PCDHGB2: variants seen among roughly 807,000 people sequenced by gnomAD.
PCDHGB2 encodes protocadherin gamma subfamily B, 2.
In PCDHGB2, 55 loss-of-function variants were observed where a neutral mutation model predicts 59.3. The ratio of observed to expected loss-of-function variants is 0.93; its 90% CI spans 0.75 to 1.16. PCDHGB2 has a LOEUF of 1.16. Among genes scored for constraint, PCDHGB2 ranks in the 50% most tolerant of loss-of-function variants. The probability of loss-of-function intolerance (pLI) is 0.00; values close to 1 mark genes in which losing one functional copy is unlikely to be tolerated. For missense variants in PCDHGB2, 1,228 were observed against 1,198.5 expected (o/e 1.02, Z -0.36); for synonymous variants, 516 against 512.0 (o/e 1.01, Z -0.11).
chr5:141,432,873 T>A lies in PCDHGB2; in HGVS notation c.2422-61934T>A, dbSNP rs753576338. ...GTGGCCGCGGTCTCCTGCGTCTTCCTGGCCTTCGTCATCTTGCTGCTGGCG... is the reference window on the plus strand; with the variant it reads ...GTGGCCGCGGTCTCCTGCGTCTTCCAGGCCTTCGTCATCTTGCTGCTGGCG... On this transcript the variant is annotated intron_variant, in intron 1 of 3. Transcript: ENST00000522605. This position sits in a 1 kb window ranked among gnomAD's most constrained non-coding sequence, Gnocchi z 6.0. 1.4e-5 allele frequency: 22 copies of A among 1,614,204 alleles called. No individual in the cohort carries two copies. The highest frequency in any genetic ancestry group is 3.3e-4 in the Middle Eastern group (2 of 6,062).
At chr5:141,435,510 T>C (rs72790047) in intron 1 of PCDHGB2, among the ~76,000 whole-genome samples, 9,714 of 152,280 alleles carry the variant, frequency 0.064, 363 homozygotes, top group African/African-American at 0.099. Context: ...ATGATACTAA[T>C]GATGACTTTG....
At chr5:141,413,827 G>A (rs2154544774) in intron 1 of PCDHGB2, 1 of 1,613,200 alleles carries the variant, frequency 6.2e-7, no homozygotes. Context: ...GGTCCTCACC[G>A]CCTCCGACGG....
chr5:141,361,395 C>T lies in PCDHGB2; in HGVS notation c.1260C>T (p.Leu420=). The T allele has an allele frequency of 1.2e-6, 2 of 1,614,022 alleles. No individual in the cohort carries two copies. The highest frequency in any genetic ancestry group is 1.7e-6 in the Non-Finnish European group (2 of 1,179,902). The change falls in exon 1 of 4, where the codon CTC becomes CTT. Residue 420 remains leucine, a synonymous_variant. Coordinates refer to ENST00000522605, the MANE Select transcript of PCDHGB2 (RefSeq NM_018923.3). ...LDREEIPEYN[L]TITATDGGKP... is the part of the protein sequence containing the mutation. ...GGGAGGAGATCCCAGAATACAATCT[C>T]ACCATCACAGCCACCGACGGGGGCA...
intron 1 of PCDHGB2, chr5:141,403,288 CAG>C: frequency 6.2e-7 from 1 of 1,613,878 alleles, no homozygotes; most frequent in Admixed American, 1.7e-5. Context: ...TGGTTGAAGA[CAG>C]AGTGAAACTG....
chr5:141,427,960 G>A, intron 1 of PCDHGB2: 2 of 1,589,168 alleles, frequency 1.3e-6, no homozygotes, highest in East Asian at 2.2e-5. Context: ...AATGTGCCGC[G>A]GGTGCTGTAC....
rs1001516677 is a variant in PCDHGB2 at position 141,399,747 on chromosome 5, A to G, written c.2421+37191A>G. On this transcript the variant is annotated intron_variant, in intron 1 of 3. Coordinates refer to ENST00000522605, the MANE Select transcript of PCDHGB2 (RefSeq NM_018923.3). The stretch of plus-strand genomic sequence containing the variant: ...ACCAGGGCTCGCCTGCGCTCAGCGC[A>G]AACGTGAGCCTGCGCGTGTTGGTGG... 3.7e-6 allele frequency: 6 copies of G among 1,613,228 alleles called. No homozygotes were observed. In the African/African-American group the frequency reaches 6.7e-5, roughly 18 times the overall value.
At chr5:141,385,323 G>C (rs1781122610) in intron 1 of PCDHGB2, 1 of 1,607,092 alleles carries the variant, frequency 6.2e-7, no homozygotes, top group Non-Finnish European at 8.5e-7. Flanking sequence ...CAAGTATTCA[G>C]GTGAGCCCAG....
At chr5:141,371,576 C>T in intron 1 of PCDHGB2, 2 of 1,613,882 alleles carry the variant, frequency 1.2e-6, no homozygotes, top group Non-Finnish European at 1.7e-6. Flanking sequence ...CCTTTAAAAT[C>T]GTTCAAGATA....
chr5:141,392,488 T>G, intron 1 of PCDHGB2: 1 of 203,312 alleles, frequency 4.9e-6, no homozygotes, highest in Non-Finnish European at 9.8e-6. Flanking sequence ...AACAAAGTAA[T>G]AAGCAAATGA....
At chr5:141,466,574 T>C (rs978880367) in intron 1 of PCDHGB2, among the ~76,000 whole-genome samples, 5 of 152,218 alleles carry the variant, frequency 3.3e-5, no homozygotes, top group Non-Finnish European at 5.9e-5. Flanking sequence ...CAACATTGTC[T>C]CATCCCTTCT....
rs985430498 is a variant in PCDHGB2 at position 141,387,945 on chromosome 5, C to T, written c.2421+25389C>T. The T allele has an allele frequency of 4.0e-6, 6 of 1,484,034 alleles. No homozygotes were observed. The African/African-American group carries it at 8.5e-5, about 21-fold the overall frequency. The allele number at this position is 1,484,034 out of a possible 1,614,324, so 91.9% of individuals were successfully genotyped here. A position where few individuals can be genotyped will look rare whatever the true frequency, so the allele number is the denominator to read the frequency against. On this transcript the variant is annotated intron_variant, in intron 1 of 3. Coordinates refer to ENST00000522605, the MANE Select transcript of PCDHGB2 (RefSeq NM_018923.3). ...GAGGCTGCCAGTGCTCTTTCTCTTC[C>T]TGCTGTCTTTGTTCTGCCCGGCGCT...
In PCDHGB2 at chr5:141,431,028, T is replaced by C. The variant is rs367575636; in HGVS notation, c.2422-63779T>C. On this transcript the variant is annotated intron_variant, in intron 1 of 3. Transcript: ENST00000522605. This position sits in a 1 kb window ranked among gnomAD's most constrained non-coding sequence, Gnocchi z 4.8. ...GGCAGCTTGGTCACGGCGGGCAGGA[T>C]AGACCGGGAGGAGCTCTGTATGGGG... The C allele has an allele frequency of 6.2e-7, 1 of 1,613,986 alleles. No homozygotes were observed. Among genetic ancestry groups the C allele is most frequent in the Admixed American group, 1.7e-5 (1 of 60,022 alleles).
chr5:141,459,295 A>C (rs571675117), intron 1 of PCDHGB2, among the ~76,000 whole-genome samples: 2 of 152,368 alleles, frequency 1.3e-5, no homozygotes, highest in South Asian at 4.1e-4. Context: ...ATGGAATCCT[A>C]TAACATATAC....
chr5:141,400,005 T>A, intron 1 of PCDHGB2: 1 of 1,612,520 alleles, frequency 6.2e-7, no homozygotes, highest in Non-Finnish European at 8.5e-7. Context: ...GCACAGCGCG[T>A]GCCTTGGGCG....
chr5:141,372,646 C>T, intron 1 of PCDHGB2: 1 of 1,614,008 alleles, frequency 6.2e-7, no homozygotes, highest in Middle Eastern at 1.6e-4. Context: ...TTGCCTTATT[C>T]CTACAATCCG....
chr5:141,481,694 C>A (rs2099542163), intron 1 of PCDHGB2, among the ~76,000 whole-genome samples: 1 of 152,130 alleles, frequency 6.6e-6, no homozygotes, highest in South Asian at 2.1e-4. Flanking sequence ...TGGCTCACGC[C>A]TGTAATCCCA....
At chr5:141,365,177 A>G in intron 1 of PCDHGB2, 3 of 1,613,884 alleles carry the variant, frequency 1.9e-6, no homozygotes, top group Non-Finnish European at 2.5e-6. Context: ...CTCTTTTCGC[A>G]ATGAAGAAGA....
intron 1 of PCDHGB2, chr5:141,404,186 C>T (rs767632448): frequency 3.1e-6 from 5 of 1,613,084 alleles, no homozygotes; most frequent in Non-Finnish European, 4.2e-6. Flanking sequence ...AATTCTTGAC[C>T]GAGAAAAAGC....
intron 1 of PCDHGB2, chr5:141,427,980 G>A (rs1398178738): frequency 6.3e-7 from 1 of 1,596,206 alleles, no homozygotes. Context: ...CCCCGCGCTG[G>A]GGCCCGATGG....
Sources: allele counts gnomAD v4.1 joint callset (sites outside exome capture counted in the v4.1 genomes callset), GRCh38; gene constraint gnomAD v4.1.1; non-coding constraint Gnocchi (gnomAD v3.1); transcripts MANE v1.5; gene names NCBI Gene and HGNC (gene_info 2026-07-23, HGNC 2026-07-21).